The following DYNC2I1 variants were observed in gnomAD, a reference collection of about 807,000 sequenced individuals.
DYNC2I1 encodes the protein cytoplasmic dynein 2 intermediate chain 1.
DYNC2I1 carries 89 observed loss-of-function variants against 133.4 expected under a neutral mutation model. That is an observed-to-expected ratio of 0.67 (90% CI 0.56 to 0.80). The LOEUF is 0.80. Ranked by LOEUF, DYNC2I1 falls within the 30% of genes least tolerant of loss-of-function variation. The pLI, the probability that DYNC2I1 is intolerant of heterozygous loss-of-function variation, is 0.00. For synonymous variants in DYNC2I1, 504 were observed against 484.3 expected (o/e 1.04, Z -0.54); for missense variants, 1,291 against 1,314.5 (o/e 0.98, Z 0.28).
At chr7:158,857,791 CTT>C (rs369240011) in intron 1 of DYNC2I1, among the ~76,000 whole-genome samples, 5,761 of 133,458 alleles carry the variant, frequency 0.043, 171 homozygotes, top group African/African-American at 0.079. Context: ...TGCACCCGGC[CTT>C]TTTTTTTTTT....
At chr7:158,882,288 A>AG (rs2129479472) in intron 5 of DYNC2I1, among the ~76,000 whole-genome samples, 1 of 152,270 alleles carries the variant, frequency 6.6e-6, no homozygotes, top group East Asian at 1.9e-4. Flanking sequence ...CCAAAAAAAA[A>AG]CCACCTAAAT....
chr7:158,954,543 G>C (rs1304933439), intron 4 of DYNC2I1, among the ~76,000 whole-genome samples: 1 of 152,224 alleles, frequency 6.6e-6, no homozygotes, highest in African/African-American at 2.4e-5. Flanking sequence ...AGCTACTTGG[G>C]AGGCTGAGGT....
upstream of DYNC2I1, among the ~76,000 whole-genome samples, chr7:158,856,174 C>A (rs1443848053): frequency 2.6e-5 from 4 of 151,966 alleles, no homozygotes; most frequent in African/African-American, 4.8e-5. Flanking sequence ...TCTCGATCTC[C>A]TGACCTCATG....
In DYNC2I1 at chr7:158,902,585, G is replaced by A; in HGVS notation, c.1347G>A (p.Glu449=). 1.2e-6 allele frequency: 2 copies of A among 1,613,614 alleles called. No homozygotes were observed. The highest frequency in any genetic ancestry group is 8.5e-7 in the Non-Finnish European group (1 of 1,179,806). ...GAGGTAGAACAGAATTTGAAAAGGAGCCCAGGACAGGTAAACAAATCAATG... is the reference window on the plus strand; with the variant it reads ...GAGGTAGAACAGAATTTGAAAAGGAACCCAGGACAGGTAAACAAATCAATG... The part of the protein sequence containing the change: ...QKRGRTEFEK[E]PRTDTNSSPS... The change falls in exon 10 of 25, where the codon GAG becomes GAA. Residue 449 remains glutamate, a synonymous_variant. Transcript: ENST00000407559.
intron 8 of DYNC2I1, among the ~76,000 whole-genome samples, chr7:158,896,014 G>GT (rs1845726051): frequency 6.6e-6 from 1 of 151,954 alleles, no homozygotes; most frequent in Non-Finnish European, 1.5e-5. Context: ...TTTCCAGTCA[G>GT]GTTTTTTTTG....
intron 1 of DYNC2I1, among the ~76,000 whole-genome samples, chr7:158,860,379 A>G (rs1013584694): frequency 6.6e-6 from 1 of 152,212 alleles, no homozygotes; most frequent in African/African-American, 2.4e-5. Context: ...CTTTTAGTAT[A>G]CACCAAGCAT....
intron 24 of DYNC2I1, among the ~76,000 whole-genome samples, chr7:158,943,524 G>A (rs1168718139): frequency 9.2e-5 from 14 of 152,174 alleles, no homozygotes; most frequent in Non-Finnish European, 1.9e-4. Context: ...TTGTGGGGAC[G>A]TTTGGGCAGA....
intron 20 of DYNC2I1, among the ~76,000 whole-genome samples, chr7:158,929,770 T>G (rs1563191713): frequency 6.6e-6 from 1 of 152,180 alleles, no homozygotes; most frequent in Admixed American, 6.5e-5. Flanking sequence ...TTTTTCCCCT[T>G]GTAGTAGTTT....
In DYNC2I1 at chr7:158,871,219, T is replaced by A; in HGVS notation, c.147T>A (p.Leu49=). The A allele has an allele frequency of 6.2e-7, 1 of 1,613,550 alleles. No homozygotes were observed. The highest frequency in any genetic ancestry group is 8.5e-7 in the Non-Finnish European group (1 of 1,179,704). Residue 49 remains leucine (L), a synonymous_variant, in exon 3 of 25, where the codon CTT becomes CTA. Transcript: ENST00000407559. ...TGCGTAAGGAGTCTGAGATGGACCT[T>A]CCTGAACATAAGGAGCCGAGGTGCA... The part of the protein sequence containing the change: ...KKLRKESEMD[L]PEHKEPRCRD...
chr7:158,898,289 A>T (rs1845927309), intron 8 of DYNC2I1, among the ~76,000 whole-genome samples: 1 of 152,002 alleles, frequency 6.6e-6, no homozygotes, highest in Admixed American at 6.6e-5. Flanking sequence ...CTATATCCTT[A>T]CTCATGTTCT....
chr7:158,891,383 C>A (rs747741412), intron 8 of DYNC2I1, 50 bp downstream of exon 8: 1 of 1,602,376 alleles, frequency 6.2e-7, no homozygotes, highest in East Asian at 2.2e-5. Context: ...CCAGCACAGA[C>A]CCACTCACAT....
chr7:158,953,345 C>G (rs912902995), intron 4 of DYNC2I1, among the ~76,000 whole-genome samples: 3 of 152,146 alleles, frequency 2.0e-5, no homozygotes, highest in African/African-American at 7.2e-5. Context: ...ACACTGAATT[C>G]TAAAGTCTAA....
At chr7:158,927,180 T>C (rs2129487116) in intron 20 of DYNC2I1, 137 bp downstream of exon 20, 2 of 611,170 alleles carry the variant, frequency 3.3e-6, no homozygotes, top group Admixed American at 3.0e-5. Flanking sequence ...GGAAGGAGGA[T>C]TGCTTGAGCC....
At chr7:158,943,192 C>T (rs1036233104) in intron 24 of DYNC2I1, among the ~76,000 whole-genome samples, 4 of 152,122 alleles carry the variant, frequency 2.6e-5, no homozygotes, top group Non-Finnish European at 5.9e-5. Context: ...GGTTTACTTA[C>T]GTTATTCTGA....
intron 8 of DYNC2I1, 142 bp from the exon 9 acceptor site, chr7:158,901,594 CATT>C: frequency 1.7e-6 from 1 of 597,408 alleles, no homozygotes; most frequent in East Asian, 3.3e-5. Flanking sequence ...AGGAATTTAA[CATT>C]ATATTAGTTT....
chr7:158,911,455 A>G, intron 11 of DYNC2I1, 95 bp from the exon 12 acceptor site: 2 of 1,348,382 alleles, frequency 1.5e-6, no homozygotes, highest in South Asian at 1.5e-5. Flanking sequence ...TGACAATAAC[A>G]TGCATTTAAC....
intron 8 of DYNC2I1, among the ~76,000 whole-genome samples, chr7:158,892,428 G>C (rs1284002244): frequency 1.3e-5 from 2 of 151,900 alleles, no homozygotes; most frequent in African/African-American, 4.8e-5. Flanking sequence ...ATTTTTATAA[G>C]ACTTTATTAT....
intron 23 of DYNC2I1, among the ~76,000 whole-genome samples, chr7:158,938,514 T>G (rs1851000970): frequency 6.6e-6 from 1 of 152,104 alleles, no homozygotes; most frequent in South Asian, 2.1e-4. Flanking sequence ...TCGCAGCACT[T>G]TGAAGGTTGA....
chr7:158,953,413 A>G (rs1173817538), intron 4 of DYNC2I1, among the ~76,000 whole-genome samples: 2 of 152,218 alleles, frequency 1.3e-5, no homozygotes, highest in Admixed American at 1.3e-4. Flanking sequence ...CTTAAATATG[A>G]TGGTATTATT....
Sources: gnomAD v4.1 joint callset for allele counts (sites outside exome capture counted in the v4.1 genomes callset) on GRCh38, gnomAD v4.1.1 for gene constraint, MANE v1.5 for transcripts, NCBI Gene and HGNC (gene_info 2026-07-23, HGNC 2026-07-21) for gene names.